The following IFT140 variants were observed in gnomAD, a reference collection of about 807,000 sequenced individuals.
IFT140 encodes the protein intraflagellar transport protein 140 homolog.
IFT140 carries 133 observed loss-of-function variants against 164.6 expected under a neutral mutation model. That is an observed-to-expected ratio of 0.81 (90% CI 0.70 to 0.93). The LOEUF is 0.93. IFT140 is among the 40% of genes least tolerant of loss of function. The probability of loss-of-function intolerance (pLI) is 0.00; values close to 1 mark genes in which losing one functional copy is unlikely to be tolerated. For missense variants in IFT140, 2,045 were observed against 1,972.3 expected (o/e 1.04, Z -0.70); for synonymous variants, 860 against 817.3 (o/e 1.05, Z -0.89).
intron 17 of IFT140, among the ~76,000 whole-genome samples, chr16:1,563,003 T>G (rs2033501043): frequency 6.6e-6 from 1 of 151,920 alleles, no homozygotes; most frequent in African/African-American, 2.4e-5. Flanking sequence ...TGGTGTGAGT[T>G]CAGACAAGGG....
intron 30 of IFT140, among the ~76,000 whole-genome samples, chr16:1,511,518 T>C (rs1273080045): frequency 2.6e-5 from 4 of 151,868 alleles, no homozygotes; most frequent in African/African-American, 9.7e-5. Flanking sequence ...ACTCGAGTCT[T>C]GCGGGTGGAC....
chr16:1,598,439 C>G (rs1323094999), intron 4 of IFT140, among the ~76,000 whole-genome samples: 1 of 151,886 alleles, frequency 6.6e-6, no homozygotes, highest in East Asian at 1.9e-4. Context: ...GCCTGAGCGA[C>G]AGAGTGAGAC....
chr16:1,530,661 C>G (rs1271765127), intron 19 of IFT140: 1 of 150,442 alleles, frequency 6.6e-6, no homozygotes, highest in African/African-American at 2.5e-5. Flanking sequence ...CTCCCCTGTG[C>G]TCTGAACGCC....
Position 1,558,090 on chromosome 16 carries a change from G to A in IFT140, c.2244C>T (p.His748=), listed in dbSNP as rs1567368546. 2 of 1,614,184 alleles carry A rather than the reference G, an allele frequency of 1.2e-6. No homozygotes were observed. Among genetic ancestry groups the A allele is most frequent in the Non-Finnish European group, 1.7e-6 (2 of 1,180,036 alleles). ...DREDEVEPGC[H]HIPQMVSRRP... ...TCCTGGACACCATCTGAGGGATGTGGTGGCACCCAGGCTCCACCTCGTCTT... is the reference window on the plus strand; with the variant it reads ...TCCTGGACACCATCTGAGGGATGTGATGGCACCCAGGCTCCACCTCGTCTT... The change falls in exon 19 of 31, where the codon CAC becomes CAT. Residue 748 remains histidine (H), a synonymous_variant. Transcript: ENST00000426508.
chr16:1,528,315 G>GCACGCACGTGTGCACACA (rs1567333443), intron 19 of IFT140, among the ~76,000 whole-genome samples: 6 of 144,302 alleles, frequency 4.2e-5, no homozygotes, highest in African/African-American at 1.4e-4. Flanking sequence ...ACACACACAC[G>GCACGCACGTGTGCACACA]CACGCATGCA....
chr16:1,607,338 A>C (rs2036128891), intron 2 of IFT140, 41 bp from the exon 3 acceptor site: 2 of 1,505,612 alleles, frequency 1.3e-6, no homozygotes, highest in South Asian at 1.2e-5. Context: ...TCAGTTTTAA[A>C]TAAAACAAAC....
At chr16:1,589,410 C>G (rs966474878) in intron 7 of IFT140, among the ~76,000 whole-genome samples, 195 bp downstream of exon 7, 2 of 152,198 alleles carry the variant, frequency 1.3e-5, no homozygotes, top group African/African-American at 4.8e-5. Flanking sequence ...GAATCTCCAT[C>G]TCTTTTGTTT....
intron 6 of IFT140, among the ~76,000 whole-genome samples, chr16:1,591,581 A>G (rs1176122179): frequency 1.3e-5 from 2 of 152,194 alleles, no homozygotes; most frequent in Non-Finnish European, 2.9e-5. Flanking sequence ...GGCTAGTGTC[A>G]CATGGCTGTA....
chr16:1,590,660 G>T (rs774273249), intron 6 of IFT140, among the ~76,000 whole-genome samples: 11 of 152,180 alleles, frequency 7.2e-5, no homozygotes, highest in Non-Finnish European at 1.2e-4. Flanking sequence ...TGAGCTTGGG[G>T]ACTCAGGCTC....
At chr16:1,534,511 G>A (rs1249671129) in intron 19 of IFT140, 3 of 1,607,934 alleles carry the variant, frequency 1.9e-6, no homozygotes, top group Non-Finnish European at 1.7e-6. Context: ...CTGGGCTGGG[G>A]CTCCGAGGCA....
At chr16:1,588,953 C>T (rs936439558) in intron 7 of IFT140, among the ~76,000 whole-genome samples, 3 of 150,172 alleles carry the variant, frequency 2.0e-5, no homozygotes, top group Middle Eastern at 3.4e-3. Context: ...CGGGAAGAGG[C>T]CCCTGCAGGC....
intron 26 of IFT140, among the ~76,000 whole-genome samples, chr16:1,522,689 T>G (rs2040559585): frequency 6.6e-6 from 1 of 151,972 alleles, no homozygotes; most frequent in African/African-American, 2.4e-5. Context: ...AATACAAAAA[T>G]TAGCTGGGTG....
rs2035243399 is a variant in IFT140 at position 1,592,658 on chromosome 16, CTGGCAGAG to C, written c.370-78_370-71del. 3.9e-5 allele frequency: 59 copies of C among 1,528,284 alleles called. 3 individuals are homozygous for C. The highest frequency in any genetic ancestry group is 5.3e-6 in the Non-Finnish European group (6 of 1,132,448). 94.7% of individuals were successfully genotyped at this position (1,528,284 alleles called of 1,614,324 possible). ...AGCGACTGGTGGAGGGACAGGTGTCCTGGCAGAGCGACTGGTGGTGGGACAGGTGTCCC... is the reference window on the plus strand; with the variant it reads ...AGCGACTGGTGGAGGGACAGGTGTCCCGACTGGTGGTGGGACAGGTGTCCC... On this transcript the variant is annotated intron_variant, in intron 4 of 30. Transcript: ENST00000426508.
At position 1,564,299 on chromosome 16, in the gene IFT140, T is replaced by C. The variant is rs2033594801; in HGVS notation, c.1902-137A>G. 3 of 600,102 alleles carry C rather than the reference T, an allele frequency of 5.0e-6. No homozygotes were observed. Among genetic ancestry groups the C allele is most frequent in the Non-Finnish European group, 8.0e-6 (3 of 376,826 alleles). 37.2% of individuals were successfully genotyped at this position (600,102 alleles called of 1,614,324 possible). A position where few individuals can be genotyped will look rare whatever the true frequency, so the allele number is the denominator to read the frequency against. The stretch of plus-strand genomic sequence containing the variant: ...CACGCGCTCAGCTCTGGGAGAACTT[T>C]TGGGGTCTCACTGCCATGCGCCCTA... On this transcript the variant is annotated intron_variant, in intron 16 of 30. Coordinates refer to ENST00000426508, the MANE Select transcript of IFT140 (RefSeq NM_014714.4). The surrounding 1 kb of genome is among the most constrained non-coding windows in gnomAD (Gnocchi z 5.5).
At chr16:1,607,084 C>A (rs2036112297) in intron 3 of IFT140, 36 bp downstream of exon 3, 1 of 1,605,648 alleles carries the variant, frequency 6.2e-7, no homozygotes, top group African/African-American at 1.3e-5. Context: ...GAGCCAGAAG[C>A]TACCACAGTC....
intron 4 of IFT140, among the ~76,000 whole-genome samples, chr16:1,600,263 T>C (rs1328916910): frequency 6.9e-6 from 1 of 145,236 alleles, no homozygotes; most frequent in Non-Finnish European, 1.5e-5. Context: ...AGCATGCTCG[T>C]TAAGAGTCAT....
chr16:1,605,220 C>T (rs1056973817), intron 3 of IFT140, among the ~76,000 whole-genome samples: 15 of 152,040 alleles, frequency 9.9e-5, no homozygotes, highest in African/African-American at 3.6e-4. Context: ...AACGCCCTAC[C>T]CCTGCGCTCT....
At position 1,510,879 on chromosome 16, in the gene IFT140, G is replaced by T; in HGVS notation, c.*65C>A. The T allele has an allele frequency of 6.9e-7, 1 of 1,456,282 alleles. No homozygotes were observed. Among genetic ancestry groups the T allele is most frequent in the Non-Finnish European group, 9.5e-7 (1 of 1,055,958 alleles). 90.2% of individuals were successfully genotyped at this position (1,456,282 alleles called of 1,614,324 possible). The stretch of plus-strand genomic sequence containing the variant: ...CAGCAAAAATGCTGGCTTTGCCACA[G>T]CTGACAAAAAAATTCCAGAAGATGC... On this transcript the variant is annotated 3_prime_UTR_variant, in exon 31 of 31. Transcript: ENST00000426508.
At chr16:1,579,503 A>G (rs2141726886) in intron 13 of IFT140, 1 of 152,368 alleles carries the variant, frequency 6.6e-6, no homozygotes, top group East Asian at 1.9e-4. Context: ...TGGATTGCAG[A>G]CTTCTGGCTT....
Sources: allele counts gnomAD v4.1 joint callset (sites outside exome capture counted in the v4.1 genomes callset), GRCh38; gene constraint gnomAD v4.1.1; non-coding constraint Gnocchi (gnomAD v3.1); transcripts MANE v1.5; gene names NCBI Gene and HGNC (gene_info 2026-07-23, HGNC 2026-07-21).